The following CD6 variants were observed in gnomAD, a reference collection of about 807,000 sequenced individuals.
The protein encoded by CD6 is CD6 molecule.
CD6 carries 53 observed loss-of-function variants against 75.3 expected under a neutral mutation model. That is an observed-to-expected ratio of 0.70 (90% CI 0.56 to 0.88). CD6 has a LOEUF of 0.88. CD6 is among the 40% of genes least tolerant of loss of function. The pLI, the probability that CD6 is intolerant of heterozygous loss-of-function variation, is 0.00. For synonymous variants in CD6, 359 were observed against 381.5 expected (o/e 0.94, Z 0.69); for missense variants, 770 against 897.1 (o/e 0.86, Z 1.81).
At chr11:60,985,083 A>G (rs1857748330) in intron 1 of CD6, 1 of 151,572 alleles carries the variant, frequency 6.6e-6, no homozygotes, top group Non-Finnish European at 1.5e-5. Context: ...CGCTTCACGA[A>G]TTCACGTGTC....
rs761201506 is a variant in CD6, at chr11:61,018,377, G to C, written c.1926G>C (p.Glu642Asp). The C allele has an allele frequency of 7.5e-6, 12 of 1,597,768 alleles. No homozygotes were observed. The highest frequency in any genetic ancestry group is 9.4e-6 in the Non-Finnish European group (11 of 1,171,748). Residue 642 changes from glutamate (E) to aspartate (D), a missense_variant, in exon 12 of 13, where the codon GAG (glutamate) becomes GAC (aspartate). Coordinates refer to ENST00000313421, the MANE Select transcript of CD6 (RefSeq NM_006725.5). ...FQPPPQPPSEEQFGCPGSPSP... is the reference protein window; with the variant it reads ...FQPPPQPPSEDQFGCPGSPSP... ...CACCACCCCAGCCCCCTTCGGAGGAGCAGTTTGGCTGTCCAGGTGCCAATA... is the reference window on the plus strand; with the variant it reads ...CACCACCCCAGCCCCCTTCGGAGGACCAGTTTGGCTGTCCAGGTGCCAATA...
chr11:61,009,635 T>A lies in CD6; in HGVS notation c.845T>A (p.Phe282Tyr), dbSNP rs1167212969. Reference sequence around the variant, plus strand: ...TGCGAGGGGCAGGTGGAGGTACACTTCCGAGGGGTCTGGAACACAGTGTGT... The same window carrying A: ...TGCGAGGGGCAGGTGGAGGTACACTACCGAGGGGTCTGGAACACAGTGTGT... ...DRCEGQVEVH[F>Y]RGVWNTVCDS... Residue 282 changes from phenylalanine to tyrosine, a missense_variant, in exon 5 of 13, where the codon TTC becomes TAC. By Grantham distance (22) the Phe-to-Tyr change is conservative. Transcript: ENST00000313421. The A allele has an allele frequency of 5.6e-6, 9 of 1,613,670 alleles. No homozygotes were observed. Among genetic ancestry groups the A allele is most frequent in the Non-Finnish European group, 5.9e-6 (7 of 1,179,994 alleles).
At chr11:60,990,070 A>T (rs2299651) in intron 1 of CD6, among the ~76,000 whole-genome samples, 35,181 of 152,008 alleles carry the variant, frequency 0.23, 5,820 homozygotes, top group East Asian at 0.6. Flanking sequence ...ATAGTACAGA[A>T]TTTAGAAAAT....
chr11:61,003,592 A>T (rs1197829291), intron 1 of CD6, among the ~76,000 whole-genome samples: 1 of 152,092 alleles, frequency 6.6e-6, no homozygotes, highest in East Asian at 1.9e-4. Flanking sequence ...AAAATTAGCC[A>T]GCATCGTGGC....
intron 12 of CD6, 161 bp from the exon 13 acceptor site, chr11:61,019,093 G>A (rs1859558880): frequency 3.3e-6 from 2 of 601,116 alleles, no homozygotes; most frequent in Admixed American, 2.7e-5. Flanking sequence ...CCTCAGTGCT[G>A]ATGTTCTAGT....
At chr11:60,988,597 G>A (rs1446337559) in intron 1 of CD6, among the ~76,000 whole-genome samples, 1 of 152,140 alleles carries the variant, frequency 6.6e-6, no homozygotes, top group Non-Finnish European at 1.5e-5. Flanking sequence ...AGACTTTCTG[G>A]TCCCAGCCCA....
chr11:60,985,444 C>T (rs993189261), intron 1 of CD6, among the ~76,000 whole-genome samples: 1 of 152,032 alleles, frequency 6.6e-6, no homozygotes, highest in African/African-American at 2.4e-5. Flanking sequence ...CTCAGCCTCC[C>T]AGAGTGCTGG....
Position 61,020,046 on chromosome 11 carries a change from T to C in CD6, c.*728T>C. Reference sequence around the variant, plus strand: ...TTCTGCAGTGACTGTCCCTGGACAATGGGTCTTTATTCTGAGTTTCCTATG... The same window carrying C: ...TTCTGCAGTGACTGTCCCTGGACAACGGGTCTTTATTCTGAGTTTCCTATG... On this transcript the variant is annotated 3_prime_UTR_variant, in exon 13 of 13. Coordinates refer to ENST00000313421, the MANE Select transcript of CD6 (RefSeq NM_006725.5). 1 of 397,734 alleles carries C rather than the reference T, an allele frequency of 2.5e-6. No individual in the cohort carries two copies. Among genetic ancestry groups the C allele is most frequent in the East Asian group, 3.6e-5 (1 of 28,054 alleles). 24.6% of individuals were successfully genotyped at this position (397,734 alleles called of 1,614,324 possible).
Position 60,971,740 on chromosome 11 carries a change from G to A in CD6, c.-126G>A, listed in dbSNP as rs558117912. ...GAGGAGAGAGCAGAGAGAGACACAGGAACAAGAACAGCAAAGGGTAGAGCA... is the reference window on the plus strand; with the variant it reads ...GAGGAGAGAGCAGAGAGAGACACAGAAACAAGAACAGCAAAGGGTAGAGCA... On this transcript the variant is annotated 5_prime_UTR_variant, in exon 1 of 13. Coordinates refer to ENST00000313421, the MANE Select transcript of CD6 (RefSeq NM_006725.5). The A allele has an allele frequency of 1.2e-3, 1,052 of 876,892 alleles. 13 individuals carry two copies. The highest frequency in any genetic ancestry group is 3.2e-3 in the Middle Eastern group (13 of 4,058). The allele number at this position is 876,892 out of a possible 1,614,324, so 54.3% of individuals were successfully genotyped here.
intron 1 of CD6, among the ~76,000 whole-genome samples, chr11:60,985,878 GAA>G (rs1374946565): frequency 1.3e-5 from 2 of 152,240 alleles, no homozygotes; most frequent in African/African-American, 4.8e-5. Flanking sequence ...CAGTCGGACA[GAA>G]AAATTGGAAA....
intron 1 of CD6, among the ~76,000 whole-genome samples, chr11:60,996,620 T>C (rs1166881970): frequency 6.6e-6 from 1 of 152,190 alleles, no homozygotes; most frequent in Non-Finnish European, 1.5e-5. Flanking sequence ...ATACACAAGA[T>C]GCACGGTGGT....
intron 1 of CD6, among the ~76,000 whole-genome samples, chr11:60,999,764 G>A (rs1858489189): frequency 6.6e-6 from 1 of 152,034 alleles, no homozygotes; most frequent in Non-Finnish European, 1.5e-5. Flanking sequence ...AAACAGCACA[G>A]GGTCGGGTTC....
In CD6 at chr11:61,018,024, C is replaced by A. The variant is rs753010588; in HGVS notation, c.1837+11C>A. 2.5e-6 allele frequency: 4 copies of A among 1,608,718 alleles called. No individual in the cohort carries two copies. In the East Asian group the frequency reaches 8.9e-5, roughly 36 times the overall value. On this transcript the variant is annotated intron_variant, in intron 11 of 12. Transcript: ENST00000313421. The stretch of plus-strand genomic sequence containing the variant: ...AGCCAGCCTTTTCAGGTAAGCTGTG[C>A]CTCCCCCAAACCCCCATCCCATAGC...
chr11:60,991,402 C>T (rs1312303884), intron 1 of CD6, among the ~76,000 whole-genome samples: 1 of 152,090 alleles, frequency 6.6e-6, no homozygotes, highest in Non-Finnish European at 1.5e-5. Context: ...ATACACCCGC[C>T]TCAGCCTCCC....
intron 12 of CD6, 99 bp from the exon 13 acceptor site, chr11:61,019,155 C>A: frequency 1.2e-6 from 1 of 813,150 alleles, no homozygotes; most frequent in Admixed American, 2.3e-5. Context: ...CAGCATCCCA[C>A]GGGGATAGTG....
intron 1 of CD6, among the ~76,000 whole-genome samples, chr11:60,994,163 G>A (rs895491458): frequency 2.0e-5 from 3 of 152,098 alleles, no homozygotes; most frequent in Non-Finnish European, 2.9e-5. Flanking sequence ...ATTTCTGGCC[G>A]GGCGCGGTGG....
chr11:60,987,533 TGTGTGTGTAGG>T (rs1400562644), intron 1 of CD6, among the ~76,000 whole-genome samples: 6 of 149,666 alleles, frequency 4.0e-5, no homozygotes, highest in Non-Finnish European at 9.0e-5. Flanking sequence ...GTGTATAGGG[TGTGTGTGTAGG>T]GTGTGTGTGT....
chr11:60,981,320 T>C (rs1857551235), intron 1 of CD6, among the ~76,000 whole-genome samples: 1 of 152,204 alleles, frequency 6.6e-6, no homozygotes, highest in Non-Finnish European at 1.5e-5. Flanking sequence ...ATACTTGGTT[T>C]TACCTCATGA....
chr11:61,006,369 G>A (rs1356036140), intron 1 of CD6, among the ~76,000 whole-genome samples: 1 of 152,204 alleles, frequency 6.6e-6, no homozygotes, highest in Non-Finnish European at 1.5e-5. Flanking sequence ...AATAGGTAAA[G>A]CGGAGGATCC....
Sources: gnomAD v4.1 joint callset for allele counts (sites outside exome capture counted in the v4.1 genomes callset) on GRCh38, gnomAD v4.1.1 for gene constraint, MANE v1.5 for transcripts, NCBI Gene and HGNC (gene_info 2026-07-23, HGNC 2026-07-21) for gene names.